Variants in CELF4 observed in about 807,000 individuals in gnomAD.
The protein encoded by CELF4 is CUGBP Elav-like family member 4, also known as CUG-BP- and ETR-3-like factor 4.
In CELF4, 18 loss-of-function variants were observed where a neutral mutation model predicts 59.9. That is an observed-to-expected ratio of 0.30 (90% CI 0.21 to 0.45). The LOEUF is 0.45. Ranked by LOEUF, CELF4 falls within the 20% of genes least tolerant of loss-of-function variation. The pLI is 1.00. For synonymous variants in CELF4, 261 were observed against 267.1 expected (o/e 0.98, Z 0.22); for missense variants, 456 against 689.0 (o/e 0.66, Z 3.79).
At chr18:37,450,746 A>G (rs528467081) in intron 2 of CELF4, among the ~76,000 whole-genome samples, 1 of 151,820 alleles carries the variant, frequency 6.6e-6, no homozygotes, top group African/African-American at 2.4e-5. Flanking sequence ...CCCATGGTGC[A>G]CAGCCCATCT....
intron 2 of CELF4, among the ~76,000 whole-genome samples, chr18:37,433,524 G>A (rs1569569391): frequency 6.6e-6 from 1 of 152,202 alleles, no homozygotes; most frequent in Admixed American, 6.5e-5. Context: ...CACACGGTAG[G>A]CAAATGATGG....
intron 2 of CELF4, among the ~76,000 whole-genome samples, chr18:37,426,556 A>G (rs2099613840): frequency 6.6e-6 from 1 of 152,208 alleles, no homozygotes; most frequent in South Asian, 2.1e-4. Context: ...ATAAACCTGC[A>G]GAAATTGAGT....
In CELF4 at chr18:37,525,163, G is replaced by C. The variant is rs923163876; in HGVS notation, c.287-39556C>G. On this transcript the variant is annotated intron_variant, in intron 1 of 12. Coordinates refer to ENST00000420428, the MANE Select transcript of CELF4 (RefSeq NM_020180.4). ...GGCTCCGGTTCCCTATCCCCTGGAC[G>C]CCCTCTGAGGATGGCACTGCGCTGG... Among the ~76,000 whole-genome samples, 23 of 152,142 alleles carry C rather than the reference G, an allele frequency of 1.5e-4. 1 individual carries two copies. In the South Asian group the frequency reaches 2.9e-3, roughly 19 times the overall value.
intron 2 of CELF4, among the ~76,000 whole-genome samples, chr18:37,394,663 T>G (rs967905714): frequency 6.6e-6 from 1 of 152,094 alleles, no homozygotes; most frequent in African/African-American, 2.4e-5. Context: ...CCAGCACCCC[T>G]CCACTCCACT....
chr18:37,353,751 G>C (rs1198728009), intron 2 of CELF4, among the ~76,000 whole-genome samples: 1 of 141,860 alleles, frequency 7.0e-6, no homozygotes, highest in African/African-American at 2.6e-5. Flanking sequence ...GGTGGGGGCG[G>C]GGGGGGCAGT....
intron 2 of CELF4, among the ~76,000 whole-genome samples, chr18:37,409,068 T>C (rs190534434): frequency 4.6e-4 from 70 of 152,332 alleles, no homozygotes; most frequent in African/African-American, 1.5e-3. Flanking sequence ...GACTGCTGAC[T>C]GTCCTCAGAT....
At chr18:37,381,360 T>C (rs1323533243) in intron 2 of CELF4, among the ~76,000 whole-genome samples, 3 of 152,144 alleles carry the variant, frequency 2.0e-5, no homozygotes. Context: ...TAAAGGGCAA[T>C]GGAGGAGGCC....
intron 2 of CELF4, among the ~76,000 whole-genome samples, chr18:37,386,357 A>T (rs2099099234): frequency 1.3e-5 from 2 of 152,220 alleles, no homozygotes. Flanking sequence ...ATAAGGTGAG[A>T]GTGGTGGCTT....
chr18:37,492,661 C>T (rs1240384489), intron 1 of CELF4, among the ~76,000 whole-genome samples: 2 of 151,642 alleles, frequency 1.3e-5, no homozygotes, highest in East Asian at 2.0e-4. Context: ...CAAATGTCCT[C>T]CCACTTCGAG....
At chr18:37,390,949 C>T (rs955810745) in intron 2 of CELF4, among the ~76,000 whole-genome samples, 3 of 152,144 alleles carry the variant, frequency 2.0e-5, no homozygotes, top group African/African-American at 7.2e-5. Flanking sequence ...GGGGCAGCCG[C>T]TGCAGGGAGC....
chr18:37,474,515 G>A (rs1268125385), intron 2 of CELF4, among the ~76,000 whole-genome samples: 1 of 152,230 alleles, frequency 6.6e-6, no homozygotes, highest in Admixed American at 6.5e-5. Context: ...GCCCTAGGAT[G>A]AGGAGGAAGG....
At chr18:37,565,261 C>T (rs2099987882) in intron 1 of CELF4, 95 bp downstream of exon 1, 2 of 1,400,704 alleles carry the variant, frequency 1.4e-6, no homozygotes, top group African/African-American at 1.5e-5. Flanking sequence ...GGCTTCCTCT[C>T]GCTTAGTCCG....
intron 2 of CELF4, among the ~76,000 whole-genome samples, chr18:37,424,828 G>A (rs1447886243): frequency 6.6e-6 from 1 of 152,142 alleles, no homozygotes; most frequent in Non-Finnish European, 1.5e-5. Flanking sequence ...AAGCTCCGAA[G>A]TCCAGGGGAT....
intron 2 of CELF4, among the ~76,000 whole-genome samples, chr18:37,429,708 C>G: frequency 6.6e-6 from 1 of 152,170 alleles, no homozygotes; most frequent in Non-Finnish European, 1.5e-5. Flanking sequence ...TAACCCACTC[C>G]ATTTAAAAAA....
chr18:37,270,983 C>G, intron 7 of CELF4, 66 bp from the exon 8 acceptor site: 1 of 1,390,202 alleles, frequency 7.2e-7, no homozygotes, highest in Non-Finnish European at 9.7e-7. Flanking sequence ...TGAGGAAGGC[C>G]CACCCATAAA....
intron 12 of CELF4, among the ~76,000 whole-genome samples, chr18:37,252,294 T>C (rs2065965266): frequency 6.6e-6 from 1 of 152,100 alleles, no homozygotes. Flanking sequence ...CACCTAGAAA[T>C]TAATTCCTTC....
At chr18:37,559,714 G>T (rs984380276) in intron 1 of CELF4, among the ~76,000 whole-genome samples, 1 of 152,146 alleles carries the variant, frequency 6.6e-6, no homozygotes, top group Admixed American at 6.5e-5. Context: ...AAGCAAAAAG[G>T]TGGTGTCTTG....
chr18:37,461,049 C>T (rs1195407723), intron 2 of CELF4, among the ~76,000 whole-genome samples: 3 of 152,226 alleles, frequency 2.0e-5, no homozygotes, highest in African/African-American at 7.2e-5. Context: ...GTCCATTTCA[C>T]TCAACAGCTC....
chr18:37,272,960 T>C lies in CELF4; in HGVS notation c.949+56A>G. The C allele has an allele frequency of 1.9e-6, 3 of 1,539,490 alleles. No homozygotes were observed. In the South Asian group the frequency reaches 3.5e-5, roughly 18 times the overall value. On this transcript the variant is annotated intron_variant, in intron 7 of 12. Coordinates refer to ENST00000420428, the MANE Select transcript of CELF4 (RefSeq NM_020180.4). ...TGGTAGCTGAAATTAGGTCCCAGCC[T>C]GGGGCCAGCTGTTCTCCCACCGGGC...
Sources: gnomAD v4.1 joint callset for allele counts (sites outside exome capture counted in the v4.1 genomes callset) on GRCh38, gnomAD v4.1.1 for gene constraint, MANE v1.5 for transcripts, NCBI Gene and HGNC (gene_info 2026-07-23, HGNC 2026-07-21) for gene names.